NR6A1: variants seen among roughly 807,000 people sequenced by gnomAD.
NR6A1 encodes nuclear receptor subfamily 6 group A member 1, also known as retinoic acid receptor-related testis-associated receptor.
In NR6A1, 7 loss-of-function variants were observed where a neutral mutation model predicts 59.1. That is an observed-to-expected ratio of 0.12 (90% CI 0.07 to 0.22). The LOEUF is 0.22. NR6A1 is among the 10% of genes least tolerant of loss of function. NR6A1 has a pLI of 1.00. For synonymous variants in NR6A1, 243 were observed against 236.1 expected, an observed-to-expected ratio of 1.03 and a Z score of -0.27; for missense variants, 468 against 611.6, an observed-to-expected ratio of 0.77 and a Z score of 2.48.
intron 2 of NR6A1, among the ~76,000 whole-genome samples, chr9:124,695,523 C>T (rs1248187010): frequency 6.6e-6 from 1 of 152,046 alleles, no homozygotes; most frequent in East Asian, 1.9e-4. Context: ...GCCACCACAC[C>T]CAGTCAATTT....
At chr9:124,601,328 T>TA (rs1409363632) in intron 2 of NR6A1, among the ~76,000 whole-genome samples, 9 of 149,378 alleles carry the variant, frequency 6.0e-5, no homozygotes, top group African/African-American at 2.0e-4. Flanking sequence ...CTCACACCTG[T>TA]AATCCCAACA....
chr9:124,711,860 C>CA (rs1328969374), intron 2 of NR6A1, among the ~76,000 whole-genome samples: 1 of 152,130 alleles, frequency 6.6e-6, no homozygotes, highest in Non-Finnish European at 1.5e-5. Flanking sequence ...CTCTGCAGCT[C>CA]AAAAAATCCT....
intron 3 of NR6A1, among the ~76,000 whole-genome samples, chr9:124,549,188 C>G (rs1167695426): frequency 6.6e-6 from 1 of 151,800 alleles, no homozygotes; most frequent in African/African-American, 2.4e-5. Context: ...GAGGATGTTA[C>G]AAATAAACGC....
At chr9:124,767,542 T>C (rs1246620846) in intron 1 of NR6A1, among the ~76,000 whole-genome samples, 1 of 151,280 alleles carries the variant, frequency 6.6e-6, no homozygotes, top group East Asian at 1.9e-4. Flanking sequence ...AAAACCTGCG[T>C]GCTGTATGTA....
At chr9:124,663,397 T>C (rs2130948029) in intron 2 of NR6A1, among the ~76,000 whole-genome samples, 1 of 152,264 alleles carries the variant, frequency 6.6e-6, no homozygotes, top group East Asian at 1.9e-4. Flanking sequence ...AACATGAGTC[T>C]TAGGGTCAAG....
intron 1 of NR6A1, among the ~76,000 whole-genome samples, chr9:124,766,842 A>G (rs1840948497): frequency 6.6e-6 from 1 of 152,240 alleles, no homozygotes; most frequent in African/African-American, 2.4e-5. Flanking sequence ...TCTGAACACA[A>G]TTCATTAACA....
chr9:124,526,682 A>G (rs2131322286), intron 8 of NR6A1, 97 bp downstream of exon 8: 2 of 1,535,294 alleles, frequency 1.3e-6, no homozygotes, highest in East Asian at 2.3e-5. Context: ...ATTCTGTGTG[A>G]TAGTCCTGAG....
intron 2 of NR6A1, among the ~76,000 whole-genome samples, chr9:124,676,601 C>T (rs920166180): frequency 6.6e-6 from 1 of 152,138 alleles, no homozygotes; most frequent in Non-Finnish European, 1.5e-5. Context: ...TTAGTACAAG[C>T]TCTAAAAAGA....
chr9:124,752,455 T>C (rs936475218), intron 1 of NR6A1, among the ~76,000 whole-genome samples: 1 of 152,110 alleles, frequency 6.6e-6, no homozygotes, highest in African/African-American at 2.4e-5. Context: ...TTGTTTCCAA[T>C]AGAACACAAT....
intron 2 of NR6A1, among the ~76,000 whole-genome samples, chr9:124,620,663 C>T (rs1046366798): frequency 6.6e-6 from 1 of 152,064 alleles, no homozygotes; most frequent in African/African-American, 2.4e-5. Flanking sequence ...CTGGGTTTAA[C>T]AGTAAAAGGG....
intron 2 of NR6A1, among the ~76,000 whole-genome samples, chr9:124,592,791 T>G (rs1188084296): frequency 6.6e-6 from 1 of 152,220 alleles, no homozygotes; most frequent in Non-Finnish European, 1.5e-5. Context: ...TAAGGCTGTT[T>G]AGGATTCCAT....
At chr9:124,634,516 A>AT (rs1476991143) in intron 2 of NR6A1, among the ~76,000 whole-genome samples, 2 of 151,524 alleles carry the variant, frequency 1.3e-5, no homozygotes, top group East Asian at 3.9e-4. Flanking sequence ...TCTTGCTTTT[A>AT]TTTTTTTTAA....
intron 2 of NR6A1, among the ~76,000 whole-genome samples, chr9:124,685,249 G>A (rs1202389583): frequency 6.6e-6 from 1 of 152,188 alleles, no homozygotes; most frequent in East Asian, 1.9e-4. Context: ...TCCTAGAAAA[G>A]CTGATTTACT....
chr9:124,694,832 G>C (rs1838689707), intron 2 of NR6A1, among the ~76,000 whole-genome samples: 1 of 152,178 alleles, frequency 6.6e-6, no homozygotes, highest in African/African-American at 2.4e-5. Flanking sequence ...GGAAGGAGAA[G>C]TGATGGGGTA....
At chr9:124,621,083 C>T (rs1455364607) in intron 2 of NR6A1, among the ~76,000 whole-genome samples, 1 of 152,168 alleles carries the variant, frequency 6.6e-6, no homozygotes, top group Non-Finnish European at 1.5e-5. Flanking sequence ...TAAAAATGTA[C>T]CAAGACTTCA....
chr9:124,567,831 C>CTT (rs534591761), intron 2 of NR6A1, among the ~76,000 whole-genome samples: 1,059 of 101,248 alleles, frequency 0.01, 19 homozygotes, highest in African/African-American at 0.03. Context: ...TAAAAATTTG[C>CTT]TTTTTTTTTT....
intron 1 of NR6A1, among the ~76,000 whole-genome samples, chr9:124,761,213 C>T (rs924290080): frequency 6.6e-6 from 1 of 152,192 alleles, no homozygotes; most frequent in Non-Finnish European, 1.5e-5. Flanking sequence ...TTTCTTATAA[C>T]TAAGCTGCAA....
chr9:124,633,479 G>A (rs576085455), intron 2 of NR6A1, among the ~76,000 whole-genome samples: 10 of 151,438 alleles, frequency 6.6e-5, no homozygotes, highest in Non-Finnish European at 1.0e-4. Flanking sequence ...AGAGAACTAG[G>A]ACACAGCTGT....
At chr9:124,626,160 C>A (rs1836236278) in intron 2 of NR6A1, among the ~76,000 whole-genome samples, 1 of 152,208 alleles carries the variant, frequency 6.6e-6, no homozygotes, top group Non-Finnish European at 1.5e-5. Flanking sequence ...CGCACGCCAC[C>A]ATGCCCAGCT....
Sources: allele counts gnomAD v4.1 joint callset (sites outside exome capture counted in the v4.1 genomes callset), GRCh38; gene constraint gnomAD v4.1.1; transcripts MANE v1.5; gene names NCBI Gene and HGNC (gene_info 2026-07-23, HGNC 2026-07-21).